Variants in PLXNA4 observed in about 807,000 individuals in gnomAD.
The protein encoded by PLXNA4 is plexin A4, also known as plexin-A4.
A neutral mutation model predicts 191.8 loss-of-function variants in PLXNA4; 44 were observed. That is an observed-to-expected ratio of 0.23 (90% CI 0.18 to 0.29). The LOEUF is 0.29. PLXNA4 is among the 10% of genes least tolerant of loss of function. The pLI, the probability that PLXNA4 is intolerant of heterozygous loss-of-function variation, is 1.00. For synonymous variants in PLXNA4, 1,082 were observed against 1,009.5 expected (o/e 1.07, Z -1.36); for missense variants, 1,800 against 2,488.8 (o/e 0.72, Z 5.89).
intron 1 of PLXNA4, among the ~76,000 whole-genome samples, chr7:132,517,997 T>G (rs1029384961): frequency 6.6e-6 from 1 of 152,190 alleles, no homozygotes; most frequent in South Asian, 2.1e-4. Context: ...ATGTCTGTAT[T>G]TTTTTTACTT....
chr7:132,512,007 A>G (rs1170126773), intron 1 of PLXNA4, among the ~76,000 whole-genome samples: 1 of 152,084 alleles, frequency 6.6e-6, no homozygotes. Context: ...CTCTCTTCTG[A>G]CTTTATGTGA....
Position 132,330,083 on chromosome 7 carries a change from C to T in PLXNA4, c.1372-31861G>A, listed in dbSNP as rs566271575. 2.4e-3 allele frequency among the ~76,000 whole-genome samples: 363 copies of T among 152,242 alleles called. 1 individual carries two copies. Among genetic ancestry groups the T allele is most frequent in the Non-Finnish European group, 4.2e-3 (288 of 68,026 alleles). ...AAGGGGAGGAGCACAGGGCAGATTT[C>T]CCTGGGCTGATTTTTAGGGAATGAG... On this transcript the variant is annotated intron_variant, in intron 3 of 31. Coordinates refer to ENST00000321063, the MANE Select transcript of PLXNA4 (RefSeq NM_020911.2).
At chr7:132,146,100 A>G (rs1012272295) in intron 28 of PLXNA4, among the ~76,000 whole-genome samples, 5 of 150,326 alleles carry the variant, frequency 3.3e-5, no homozygotes, top group East Asian at 1.9e-4. Flanking sequence ...AAAAAAAAAA[A>G]AAAGAAAAGA....
At chr7:132,302,361 C>G (rs991163141) in intron 3 of PLXNA4, among the ~76,000 whole-genome samples, 22 of 152,106 alleles carry the variant, frequency 1.4e-4, no homozygotes, top group African/African-American at 5.1e-4. Context: ...GCCCTGGGAC[C>G]ATGAGTCTCC....
chr7:132,341,575 T>A (rs1325260572), intron 3 of PLXNA4, among the ~76,000 whole-genome samples: 1 of 152,172 alleles, frequency 6.6e-6, no homozygotes, highest in Non-Finnish European at 1.5e-5. Flanking sequence ...TGATTCTCCT[T>A]GGTCAGCACA....
intron 5 of PLXNA4, among the ~76,000 whole-genome samples, chr7:132,239,271 G>T (rs1798801509): frequency 6.6e-6 from 1 of 152,190 alleles, no homozygotes; most frequent in Admixed American, 6.5e-5. Flanking sequence ...TTACCTTGCA[G>T]CCCTGGGGGT....
At chr7:132,567,511 A>G (rs1212182970) in intron 1 of PLXNA4, among the ~76,000 whole-genome samples, 1 of 152,176 alleles carries the variant, frequency 6.6e-6, no homozygotes, top group Non-Finnish European at 1.5e-5. Context: ...GTCTGACTTG[A>G]TGTGATCCCT....
intron 3 of PLXNA4, among the ~76,000 whole-genome samples, chr7:132,473,811 G>A (rs1203319878): frequency 6.6e-6 from 1 of 151,640 alleles, no homozygotes; most frequent in Non-Finnish European, 1.5e-5. Flanking sequence ...CGTAATGAGG[G>A]GTTATCAGAG....
At position 132,168,312 on chromosome 7, in the gene PLXNA4, C is replaced by G. The variant is rs1168482740; in HGVS notation, c.4278G>C (p.Leu1426=). The G allele has an allele frequency of 1.7e-5, 27 of 1,551,370 alleles. No individual in the cohort carries two copies. The highest frequency in any genetic ancestry group is 2.7e-5 in the African/African-American group (2 of 73,596). Residue 1426 remains leucine (L), a synonymous_variant, in exon 22 of 32, where the codon CTG becomes CTC. Transcript: ENST00000321063. ...CCAGACTGCACCCTCACCTCCTGAG[C>G]AGCAGCTTAGGGTGGTTCTTGCTCT... is the stretch of plus-strand genomic sequence containing the variant. ...NLESKNHPKL[L]LRRTESVAEK...
At chr7:132,164,999 G>A in intron 23 of PLXNA4, 135 bp downstream of exon 23, 1 of 1,333,600 alleles carries the variant, frequency 7.5e-7, no homozygotes, top group Non-Finnish European at 1.0e-6. Context: ...TCCATGATAA[G>A]GATGAATTCC....
chr7:132,224,785 A>G (rs1394398526), intron 8 of PLXNA4, among the ~76,000 whole-genome samples: 1 of 152,148 alleles, frequency 6.6e-6, no homozygotes, highest in Non-Finnish European at 1.5e-5. Context: ...GGAGGGCCGG[A>G]TGCCTTCTTA....
intron 4 of PLXNA4, among the ~76,000 whole-genome samples, chr7:132,281,725 A>G (rs1395348268): frequency 1.3e-5 from 2 of 152,158 alleles, no homozygotes; most frequent in African/African-American, 4.8e-5. Context: ...CAAAGTTACC[A>G]GCAAAGTGGC....
intron 3 of PLXNA4, among the ~76,000 whole-genome samples, chr7:132,443,210 T>C (rs546726649): frequency 6.6e-6 from 1 of 151,966 alleles, no homozygotes; most frequent in Admixed American, 6.6e-5. Context: ...TGTTTGGAGG[T>C]TTTCCTTCCT....
At chr7:132,636,639 C>A (rs1438534849) in intron 2 of PLXNA4, among the ~76,000 whole-genome samples, 2 of 152,200 alleles carry the variant, frequency 1.3e-5, no homozygotes, top group African/African-American at 4.8e-5. Context: ...CTGCTGTTGC[C>A]CTTCCAGATT....
At chr7:132,631,420 A>G (rs1803487762) in intron 2 of PLXNA4, among the ~76,000 whole-genome samples, 1 of 152,180 alleles carries the variant, frequency 6.6e-6, no homozygotes, top group Admixed American at 6.5e-5. Context: ...GTGTTTGATG[A>G]ATCAACTGAA....
intron 4 of PLXNA4, among the ~76,000 whole-genome samples, chr7:132,289,371 C>T (rs957038353): frequency 3.3e-5 from 5 of 152,164 alleles, no homozygotes; most frequent in African/African-American, 1.2e-4. Flanking sequence ...AACCTAGTCT[C>T]TGATTTATTT....
At chr7:132,408,103 GAACT>G (rs974064666) in intron 3 of PLXNA4, among the ~76,000 whole-genome samples, 47 of 152,014 alleles carry the variant, frequency 3.1e-4, no homozygotes, top group East Asian at 9.7e-4. Flanking sequence ...TTAAAAATGA[GAACT>G]AACTTAAATA....
intron 2 of PLXNA4, among the ~76,000 whole-genome samples, chr7:132,504,959 G>A (rs533620776): frequency 6.6e-6 from 1 of 152,332 alleles, no homozygotes; most frequent in African/African-American, 2.4e-5. Context: ...CAAAGGAATC[G>A]TAACAGGAGG....
chr7:132,581,949 G>T (rs1262569659), upstream of PLXNA4, among the ~76,000 whole-genome samples: 2 of 152,206 alleles, frequency 1.3e-5, no homozygotes, highest in African/African-American at 4.8e-5. Context: ...AGAGGATATT[G>T]TGAGGTAAGG....
Sources: allele counts gnomAD v4.1 joint callset (sites outside exome capture counted in the v4.1 genomes callset), GRCh38; gene constraint gnomAD v4.1.1; transcripts MANE v1.5; gene names NCBI Gene and HGNC (gene_info 2026-07-23, HGNC 2026-07-21).